The following GPR19 variants were observed in gnomAD, a reference collection of about 807,000 sequenced individuals.
GPR19 encodes the protein G protein-coupled receptor 19.
A neutral mutation model predicts 28.5 loss-of-function variants in GPR19; 14 were observed. That is an observed-to-expected ratio of 0.49 (90% confidence interval 0.32 to 0.77). The LOEUF is 0.77. Among genes scored for constraint, GPR19 ranks in the 30% least tolerant of loss-of-function variants. GPR19 has a pLI of 0.03. For missense variants in GPR19, 409 were observed against 504.1 expected (o/e 0.81, Z 1.81); for synonymous variants, 173 against 184.1 (o/e 0.94, Z 0.49).
At chr12:12,705,814 T>G in the GPR19 span, among the ~76,000 whole-genome samples, 4 of 152,146 alleles carry the variant, frequency 2.6e-5, no homozygotes, top group African/African-American at 9.7e-5. Flanking sequence ...CCTCCCAAAT[T>G]GCTGGGATTA....
intron 3 of GPR19, among the ~76,000 whole-genome samples, chr12:12,663,484 T>C (rs1387791787): frequency 6.6e-6 from 1 of 151,704 alleles, no homozygotes. Flanking sequence ...CTTATAAAGC[T>C]TACAAATCTT....
At chr12:12,709,823 T>C in the GPR19 span, among the ~76,000 whole-genome samples, 1 of 152,310 alleles carries the variant, frequency 6.6e-6, no homozygotes, top group Non-Finnish European at 1.5e-5. Context: ...CTAATTGAAG[T>C]TTCTCAGACT....
At chr12:12,703,990 G>T in the GPR19 span, among the ~76,000 whole-genome samples, 1 of 152,204 alleles carries the variant, frequency 6.6e-6, no homozygotes, top group Non-Finnish European at 1.5e-5. Context: ...AAGTCAAAGT[G>T]AGTAAGTCAT....
upstream of GPR19, among the ~76,000 whole-genome samples, chr12:12,697,153 T>TAAAAGAAA (rs1946277514): frequency 2.0e-5 from 1 of 48,846 alleles, no homozygotes; most frequent in Non-Finnish European, 3.6e-5. Flanking sequence ...TGAAGCGAAG[T>TAAAAGAAA]AAAAAAAAAA....
At chr12:12,678,890 G>A (rs1945977639) in intron 3 of GPR19, among the ~76,000 whole-genome samples, 2 of 152,106 alleles carry the variant, frequency 1.3e-5, no homozygotes, top group African/African-American at 2.4e-5. Flanking sequence ...TCTGCCTCCT[G>A]GGTTGGAGAG....
At chr12:12,667,508 C>T (rs910015985) in intron 3 of GPR19, among the ~76,000 whole-genome samples, 6 of 151,724 alleles carry the variant, frequency 4.0e-5, no homozygotes, top group South Asian at 2.1e-4. Flanking sequence ...CTGGCCAATA[C>T]GGCAAAACCC....
intron 3 of GPR19, among the ~76,000 whole-genome samples, chr12:12,683,154 C>T (rs10845608): frequency 0.47 from 71,856 of 151,974 alleles, 17,290 homozygotes; most frequent in Non-Finnish European, 0.51. Flanking sequence ...TTTCTTGAGA[C>T]ATCAATTGGT....
intron 3 of GPR19, among the ~76,000 whole-genome samples, chr12:12,680,194 A>C (rs959915458): frequency 4.6e-5 from 7 of 152,254 alleles, no homozygotes; most frequent in Non-Finnish European, 1.0e-4. Flanking sequence ...CAGATAAAAG[A>C]ACTTTATTTG....
At chr12:12,701,189 C>T (rs1946321507), upstream of GPR19, among the ~76,000 whole-genome samples, 2 of 152,208 alleles carry the variant, frequency 1.3e-5, no homozygotes, top group African/African-American at 4.8e-5. Flanking sequence ...CTTGAAGCCA[C>T]CAAACAAGCC....
intron 3 of GPR19, among the ~76,000 whole-genome samples, chr12:12,663,981 G>A (rs911996572): frequency 3.3e-5 from 5 of 152,074 alleles, no homozygotes; most frequent in Admixed American, 2.0e-4. Flanking sequence ...ATGAAAGAAC[G>A]GTTCTTAATG....
chr12:12,711,681 G>T, the GPR19 span, among the ~76,000 whole-genome samples: 267 of 152,316 alleles, frequency 1.8e-3, no homozygotes, highest in African/African-American at 5.8e-3. Context: ...TCGCTTGAGA[G>T]ACTGAGGCAG....
At chr12:12,712,965 A>G in the GPR19 span, among the ~76,000 whole-genome samples, 1 of 152,156 alleles carries the variant, frequency 6.6e-6, no homozygotes, top group Non-Finnish European at 1.5e-5. Flanking sequence ...ATCACTGCTT[A>G]AAACCTCCTA....
In GPR19 at chr12:12,661,534, A is replaced by G. The variant is rs1234849807; in HGVS notation, c.915T>C (p.Tyr305=). 3.7e-6 allele frequency: 6 copies of G among 1,613,566 alleles called. No homozygotes were observed. In the African/African-American group the frequency reaches 5.3e-5, roughly 14 times the overall value. Reference sequence around the variant, plus strand: ...CTGTGAAAACAAGGGAACTTTTCTTATAGTCTTGTTCATGGGGGTGCCATA... The same window carrying G: ...CTGTGAAAACAAGGGAACTTTTCTTGTAGTCTTGTTCATGGGGGTGCCATA... ...AQLWHPHEQD[Y]KKSSLVFTAI... The change falls in exon 4 of 4, where the codon TAT becomes TAC. Residue 305 remains tyrosine, a synonymous_variant. Transcript: ENST00000651487. The surrounding 1 kb of genome is among the most constrained non-coding windows in gnomAD (Gnocchi z 4.2).
chr12:12,687,562 T>C (rs117707175), intron 2 of GPR19, among the ~76,000 whole-genome samples: 1,739 of 152,380 alleles, frequency 0.011, 12 homozygotes, highest in Non-Finnish European at 0.018. Flanking sequence ...CACAGATTGC[T>C]GAATCTCTCT....
chr12:12,712,154 T>C, the GPR19 span, among the ~76,000 whole-genome samples: 1 of 152,232 alleles, frequency 6.6e-6, no homozygotes, highest in Non-Finnish European at 1.5e-5. Flanking sequence ...CAGGAGATTA[T>C]GGCAGACTGC....
intron 3 of GPR19, among the ~76,000 whole-genome samples, chr12:12,665,591 C>A (rs1214031982): frequency 6.6e-6 from 1 of 152,072 alleles, no homozygotes; most frequent in Non-Finnish European, 1.5e-5. Context: ...GTAATCCCAG[C>A]ACTTTGGGAG....
the GPR19 span, among the ~76,000 whole-genome samples, chr12:12,702,543 G>C: frequency 1.3e-5 from 2 of 151,992 alleles, no homozygotes; most frequent in African/African-American, 4.8e-5. Flanking sequence ...AGATCCTTAC[G>C]GTGATGACTC....
At chr12:12,708,337 C>G in the GPR19 span, among the ~76,000 whole-genome samples, 1 of 152,088 alleles carries the variant, frequency 6.6e-6, no homozygotes, top group South Asian at 2.1e-4. Context: ...AAATTTTCAT[C>G]TAAGTAAAAT....
At chr12:12,662,763 C>T (rs1197969231) in intron 3 of GPR19, among the ~76,000 whole-genome samples, 1 of 152,224 alleles carries the variant, frequency 6.6e-6, no homozygotes, top group Non-Finnish European at 1.5e-5. Context: ...TCCTTGTTCC[C>T]TTCACTCATC....
Sources: gnomAD v4.1 joint callset for allele counts (sites outside exome capture counted in the v4.1 genomes callset) on GRCh38, gnomAD v4.1.1 for gene constraint, Gnocchi (gnomAD v3.1) non-coding constraint, MANE v1.5 for transcripts, NCBI Gene and HGNC (gene_info 2026-07-23, HGNC 2026-07-21) for gene names.